Variants in DMD observed in about 807,000 individuals in gnomAD.
The protein encoded by DMD is mutant dystrophin.
A neutral mutation model predicts 330.1 loss-of-function variants in DMD; 63 were observed. That is an observed-to-expected ratio of 0.19 (90% CI 0.16 to 0.24). The LOEUF (loss-of-function observed/expected upper bound fraction) is 0.24, where lower values mean the gene tolerates loss of function less well. DMD is among the 10% of genes least tolerant of loss of function. DMD has a pLI of 1.00. For synonymous variants in DMD, 1,223 were observed against 959.8 expected, an observed-to-expected ratio of 1.27 and a Z score of -5.07; for missense variants, 3,344 against 2,684.1, an observed-to-expected ratio of 1.25 and a Z score of -5.43.
intron 6 of DMD, among the ~76,000 whole-genome samples, chrX:32,814,558 A>G (rs2077586563): frequency 8.9e-6 from 1 of 112,054 alleles, no homozygotes; most frequent in Non-Finnish European, 1.9e-5. Flanking sequence ...GGGGGAGATG[A>G]TTCATGAAAG....
intron 4 of DMD, among the ~76,000 whole-genome samples, chrX:32,835,565 T>C (rs2079541449): frequency 8.9e-6 from 1 of 112,501 alleles, no homozygotes; most frequent in Non-Finnish European, 1.9e-5. Flanking sequence ...GATAACTTCA[T>C]GCTAAAACAG....
chrX:32,537,293 G>A (rs1336750673), intron 17 of DMD, among the ~76,000 whole-genome samples: 1 of 111,370 alleles, frequency 9.0e-6, no homozygotes, highest in East Asian at 2.8e-4. Flanking sequence ...GGGAGAGGTA[G>A]AAATATCAAT....
intron 2 of DMD, among the ~76,000 whole-genome samples, chrX:32,870,420 A>C (rs1202500457): frequency 1.8e-5 from 2 of 112,141 alleles, no homozygotes; most frequent in Non-Finnish European, 3.8e-5. Flanking sequence ...GAATTAGAAA[A>C]AAAGAAAACT....
chrX:31,135,996 C>T (rs1263921537), intron 76 of DMD, among the ~76,000 whole-genome samples: 1 of 27,425 alleles, frequency 3.6e-5, no homozygotes, highest in South Asian at 4.6e-3. Context: ...TGCATTTATT[C>T]CTTTTTTTTT....
At chrX:32,868,652 A>C (rs982088041) in intron 2 of DMD, among the ~76,000 whole-genome samples, 1 of 112,632 alleles carries the variant, frequency 8.9e-6, no homozygotes, top group African/African-American at 3.2e-5. Context: ...AGATTGCCTC[A>C]TTAGGCCGGA....
At chrX:32,484,163 G>A (rs755237814) in intron 21 of DMD, among the ~76,000 whole-genome samples, 1 of 111,149 alleles carries the variant, frequency 9.0e-6, no homozygotes, top group South Asian at 3.7e-4. Flanking sequence ...ACACATATAT[G>A]CATGTATATA....
chrX:31,892,381 T>C (rs1301697362), intron 47 of DMD, among the ~76,000 whole-genome samples: 1 of 110,934 alleles, frequency 9.0e-6, no homozygotes, highest in Admixed American at 9.6e-5. Context: ...TAACCACATG[T>C]AGCTATTGAG....
chrX:32,465,615 T>A (rs1353948295), intron 23 of DMD, among the ~76,000 whole-genome samples: 1 of 96,130 alleles, frequency 1.0e-5, no homozygotes, highest in Non-Finnish European at 2.1e-5. Context: ...AGATGGAGTC[T>A]TGCTCTGTCG....
At chrX:32,537,682 G>T (rs978997707) in intron 17 of DMD, among the ~76,000 whole-genome samples, 4 of 111,361 alleles carry the variant, frequency 3.6e-5, no homozygotes, top group African/African-American at 1.3e-4. Flanking sequence ...AGTCCGTAAG[G>T]GAATACAGAT....
chrX:32,026,076 C>A (rs2095843712), intron 44 of DMD, among the ~76,000 whole-genome samples: 1 of 111,452 alleles, frequency 9.0e-6, no homozygotes, highest in Non-Finnish European at 1.9e-5. Flanking sequence ...CATTTGTGGT[C>A]CAAAGACTCC....
chrX:31,823,836 A>G (rs1219146689), intron 49 of DMD, among the ~76,000 whole-genome samples: 5 of 111,250 alleles, frequency 4.5e-5, no homozygotes, highest in African/African-American at 1.6e-4. Flanking sequence ...AGCCTCCCAA[A>G]GCGCTGGAAT....
chrX:31,566,691 A>G (rs2075483769), intron 55 of DMD, among the ~76,000 whole-genome samples: 1 of 111,735 alleles, frequency 8.9e-6, no homozygotes, highest in African/African-American at 3.2e-5. Flanking sequence ...TTTGAGAAGA[A>G]CTGACATATT....
At position 33,076,833 on chromosome X, in the gene DMD, C is replaced by T. The variant is rs1249424880; in HGVS notation, c.32-56633G>A. Among the ~76,000 whole-genome samples the T allele has an allele frequency of 2.7e-5, 3 of 111,523 alleles. No homozygotes were observed. In the East Asian group the frequency reaches 8.5e-4, roughly 32 times the overall value. ...GAATTGCAATAGAGAAAGAGTAACT[C>T]CCTCAGAGCCAGCTGTGCGGGAGAC... is the stretch of plus-strand genomic sequence containing the variant. On this transcript the variant is annotated intron_variant, in intron 1 of 78. Transcript: ENST00000357033.
intron 4 of DMD, among the ~76,000 whole-genome samples, chrX:32,839,730 A>ATTT (rs61327287): frequency 9.6e-6 from 1 of 103,878 alleles, no homozygotes; most frequent in African/African-American, 3.5e-5. Context: ...AAGATAATGC[A>ATTT]TTTTTTTTTT....
intron 1 of DMD, among the ~76,000 whole-genome samples, chrX:33,087,252 T>C (rs2095021518): frequency 8.9e-6 from 1 of 112,268 alleles, no homozygotes; most frequent in Non-Finnish European, 1.9e-5. Flanking sequence ...AATGTAAACA[T>C]CAATAGCAAC....
intron 2 of DMD, among the ~76,000 whole-genome samples, chrX:32,926,006 T>C (rs1231281258): frequency 2.7e-5 from 3 of 112,250 alleles, no homozygotes; most frequent in African/African-American, 3.2e-5. Context: ...CCCGTGTTCA[T>C]TGCAGCATTG....
At chrX:32,945,732 A>C (rs2090759101) in intron 2 of DMD, among the ~76,000 whole-genome samples, 1 of 111,485 alleles carries the variant, frequency 9.0e-6, no homozygotes, top group Admixed American at 9.6e-5. Flanking sequence ...TTAGGGACAG[A>C]TTCTTTTCAT....
At chrX:31,921,690 T>C in intron 47 of DMD, among the ~76,000 whole-genome samples, 1 of 112,404 alleles carries the variant, frequency 8.9e-6, no homozygotes, top group East Asian at 2.8e-4. Flanking sequence ...GTTACACATT[T>C]CCCATTTACT....
intron 2 of DMD, among the ~76,000 whole-genome samples, chrX:32,971,891 A>G (rs1182891547): frequency 9.0e-6 from 1 of 111,306 alleles, no homozygotes; most frequent in African/African-American, 3.3e-5. Flanking sequence ...TGAGATTCAC[A>G]AAAGGTCACT....
Sources: allele counts gnomAD v4.1 joint callset (sites outside exome capture counted in the v4.1 genomes callset), GRCh38; gene constraint gnomAD v4.1.1; transcripts MANE v1.5; gene names NCBI Gene and HGNC (gene_info 2026-07-23, HGNC 2026-07-21).